The following CDC14B variants were observed in gnomAD, a reference collection of about 807,000 sequenced individuals.
CDC14B encodes the protein dual specificity protein phosphatase CDC14B.
Under a neutral mutation model 64.2 loss-of-function variants are expected in CDC14B, and 22 were observed. That is an observed-to-expected ratio of 0.34 (90% CI 0.24 to 0.49). The LOEUF is 0.49. Ranked by LOEUF, CDC14B falls within the 20% of genes least tolerant of loss-of-function variation. The probability of loss-of-function intolerance (pLI) is 0.99; values close to 1 mark genes in which losing one functional copy is unlikely to be tolerated. For missense variants in CDC14B, 498 were observed against 629.9 expected, an observed-to-expected ratio of 0.79 and a Z score of 2.24; for synonymous variants, 191 against 215.8, an observed-to-expected ratio of 0.89 and a Z score of 1.01.
chr9:96,551,110 G>GTTTTTTTTTTTTTTTTTTTTTTT (rs1841741325), intron 5 of CDC14B, among the ~76,000 whole-genome samples: 2 of 65,968 alleles, frequency 3.0e-5, no homozygotes, highest in African/African-American at 1.1e-4. Context: ...TTTGGGGTTT[G>GTTTTTTTTTTTTTTTTTTTTTTT]CTTTTTTTTT....
chr9:96,579,100 G>C (rs897370686), intron 1 of CDC14B, among the ~76,000 whole-genome samples: 1 of 152,084 alleles, frequency 6.6e-6, no homozygotes, highest in African/African-American at 2.4e-5. Flanking sequence ...TTACAGGCAT[G>C]AGCCACCGCA....
chr9:96,599,207 C>A (rs1023412721), intron 1 of CDC14B, among the ~76,000 whole-genome samples: 2 of 152,066 alleles, frequency 1.3e-5, no homozygotes, highest in Non-Finnish European at 2.9e-5. Context: ...TGGCAAAACC[C>A]CATCTCTATT....
chr9:96,508,649 C>T (rs764672864), intron 13 of CDC14B, among the ~76,000 whole-genome samples: 33 of 152,264 alleles, frequency 2.2e-4, no homozygotes, highest in African/African-American at 7.5e-4. Flanking sequence ...CATCCCCATG[C>T]GAGTGTTAAG....
intron 9 of CDC14B, among the ~76,000 whole-genome samples, chr9:96,528,934 C>A (rs548316844): frequency 5.1e-4 from 78 of 152,320 alleles, no homozygotes; most frequent in African/African-American, 1.8e-3. Context: ...GTCCTCTTCC[C>A]ATTTATGAAC....
At chr9:96,608,084 T>C (rs1006049591) in intron 1 of CDC14B, among the ~76,000 whole-genome samples, 3 of 152,228 alleles carry the variant, frequency 2.0e-5, no homozygotes, top group African/African-American at 7.2e-5. Flanking sequence ...CGGCACCAGG[T>C]TGTACCTTGC....
downstream of CDC14B, among the ~76,000 whole-genome samples, chr9:96,496,695 G>A (rs16910970): frequency 5.2e-3 from 798 of 152,354 alleles, 11 homozygotes; most frequent in East Asian, 0.029. Context: ...CACCGCCCAG[G>A]CCACCCTGAA....
rs1317336184 is a variant in CDC14B, at chr9:96,515,809, G to C, written c.1344-6020C>G. 14 of 1,571,152 alleles carry C rather than the reference G, an allele frequency of 8.9e-6. No individual in the cohort carries two copies. The highest frequency in any genetic ancestry group is 1.2e-5 in the Non-Finnish European group (14 of 1,159,272). On this transcript the variant is annotated intron_variant, in intron 12 of 13. Transcript: ENST00000375241. The surrounding 1 kb of genome is among the most constrained non-coding windows in gnomAD (Gnocchi z 4.3). ...AGGGGACATCTGGAAAGGGGTGAAG[G>C]GGAAAGAACAGATGTTCAAATTGGG...
intron 1 of CDC14B, among the ~76,000 whole-genome samples, chr9:96,600,845 T>A (rs551825557): frequency 6.6e-6 from 1 of 152,088 alleles, no homozygotes; most frequent in South Asian, 2.1e-4. Flanking sequence ...CAGCAATCCA[T>A]GGCTTGGCTA....
chr9:96,574,634 G>T (rs973568610), intron 1 of CDC14B, among the ~76,000 whole-genome samples: 5 of 146,050 alleles, frequency 3.4e-5, no homozygotes, highest in Non-Finnish European at 7.4e-5. Flanking sequence ...ACAAAAATTA[G>T]CTGGGAGCCG....
At chr9:96,514,959 G>C in intron 12 of CDC14B, 1 of 983,628 alleles carries the variant, frequency 1.0e-6, no homozygotes, top group South Asian at 4.7e-5. Context: ...TCTGGGCAAG[G>C]AGAAAAGCAG....
intron 1 of CDC14B, among the ~76,000 whole-genome samples, chr9:96,617,907 C>T (rs189636670): frequency 6.6e-6 from 1 of 152,296 alleles, no homozygotes; most frequent in African/African-American, 2.4e-5. Context: ...CCCATCCGTC[C>T]TCGGCGAGGC....
chr9:96,524,043 TCTC>T (rs1414579138), intron 9 of CDC14B, among the ~76,000 whole-genome samples: 1 of 152,104 alleles, frequency 6.6e-6, no homozygotes, highest in Non-Finnish European at 1.5e-5. Flanking sequence ...CTCAAGCAAT[TCTC>T]CTACCTCAGC....
Sources: allele counts gnomAD v4.1 joint callset (sites outside exome capture counted in the v4.1 genomes callset), GRCh38; gene constraint gnomAD v4.1.1; non-coding constraint Gnocchi (gnomAD v3.1); transcripts MANE v1.5; gene names NCBI Gene and HGNC (gene_info 2026-07-23, HGNC 2026-07-21).